Variants in HIP1R observed in about 807,000 individuals in gnomAD.
HIP1R encodes huntingtin-interacting protein 1-related protein.
A neutral mutation model predicts 144.2 loss-of-function variants in HIP1R; 135 were observed. That is an observed-to-expected ratio of 0.94 (90% CI 0.81 to 1.08). HIP1R has a LOEUF of 1.08. HIP1R is among the 50% of genes least tolerant of loss of function. HIP1R has a pLI of 0.00. For missense variants in HIP1R, 1,462 were observed against 1,432.8 expected (o/e 1.02, Z -0.33); for synonymous variants, 698 against 612.8 (o/e 1.14, Z -2.05).
intron 5 of HIP1R, chr12:122,850,279 A>T (rs2033336618): frequency 3.8e-6 from 2 of 528,536 alleles, no homozygotes; most frequent in African/African-American, 3.8e-5. Context: ...TCTGCCACCT[A>T]TGTGGGCCAC....
At chr12:122,851,148 C>G (rs1016530093) in intron 6 of HIP1R, 88 bp from the exon 7 acceptor site, 180 of 1,206,940 alleles carry the variant, frequency 1.5e-4, no homozygotes, top group Non-Finnish European at 1.9e-4. Context: ...GTCGGCGGTG[C>G]CCCCGTCCCC....
intron 30 of HIP1R, 48 bp downstream of exon 30, chr12:122,861,240 G>A (rs76137672): frequency 0.043 from 69,046 of 1,613,030 alleles, 2,388 homozygotes; most frequent in East Asian, 0.22. Flanking sequence ...TCCCTCGGGC[G>A]AAGCCTGGAC....
chr12:122,848,489 G>A lies in HIP1R; in HGVS notation c.181G>A (p.Glu61Lys), dbSNP rs1375584454. The A allele has an allele frequency of 6.8e-6, 11 of 1,612,982 alleles. No homozygotes were observed. Among genetic ancestry groups the A allele is most frequent in the African/African-American group, 2.7e-5 (2 of 74,942 alleles). The change falls in exon 3 of 32, where the codon GAG (glutamate) becomes AAG (lysine). Residue 61 changes from glutamate to lysine, a missense_variant. This residue lies in a region of HIP1R where 350 missense variants were observed against 421.1 expected (regional missense o/e 0.83). Coordinates refer to ENST00000253083, the MANE Select transcript of HIP1R (RefSeq NM_003959.3). ...AGGCATCATTCTGGGCACACACCAC[G>A]AGAAGGGGGCTTTCACCTTCTGGTC... ...ARRIILGTHH[E>K]KGAFTFWSYA...
rs1453888689 is a variant in HIP1R, at chr12:122,854,966, C to T, written c.776+4C>T. 6.2e-7 allele frequency: 1 copy of T among 1,612,692 alleles called. No homozygotes were observed. Among genetic ancestry groups the T allele is most frequent in the East Asian group, 2.2e-5 (1 of 44,870 alleles). On this transcript the variant is annotated splice_donor_region_variant and intron_variant, in intron 9 of 31. Transcript: ENST00000253083. Reference sequence around the variant, plus strand: ...GGTTCCACGAGCAGTTTCACAGGTACTGCCTGGGACAGGGACAGGATTGAG... The same window carrying T: ...GGTTCCACGAGCAGTTTCACAGGTATTGCCTGGGACAGGGACAGGATTGAG...
At chr12:122,861,098 C>G in intron 29 of HIP1R, 33 bp from the exon 30 acceptor site, 2 of 1,613,368 alleles carry the variant, frequency 1.2e-6, no homozygotes, top group East Asian at 2.2e-5. Flanking sequence ...GGGTGGGTGC[C>G]CAGATGTTCA....
rs1442093555 is a variant in HIP1R at position 122,860,410 on chromosome 12, C to T, written c.2560-13C>T. On this transcript the variant is annotated splice_polypyrimidine_tract_variant and intron_variant, in intron 26 of 31. Coordinates refer to ENST00000253083, the MANE Select transcript of HIP1R (RefSeq NM_003959.3). Reference sequence around the variant, plus strand: ...GACTGGCATGTCCTGCCCTGTTCTCCCGTCGCCACTAGGGGGCAGCCACGC... The same window carrying T: ...GACTGGCATGTCCTGCCCTGTTCTCTCGTCGCCACTAGGGGGCAGCCACGC... The T allele has an allele frequency of 1.2e-6, 2 of 1,612,818 alleles. No individual in the cohort carries two copies. The highest frequency in any genetic ancestry group is 1.7e-6 in the Non-Finnish European group (2 of 1,179,646).
intron 7 of HIP1R, among the ~76,000 whole-genome samples, chr12:122,851,786 C>A (rs1283748549): frequency 6.6e-6 from 1 of 152,174 alleles, no homozygotes; most frequent in Non-Finnish European, 1.5e-5. Context: ...GCATGGCAGG[C>A]CCCAGCGGGT....
rs761378510 is a variant in HIP1R, at chr12:122,850,057, C to T, written c.438+102C>T. On this transcript the variant is annotated intron_variant, in intron 5 of 31. Coordinates refer to ENST00000253083, the MANE Select transcript of HIP1R (RefSeq NM_003959.3). ...ACATCGAGGGTGGGATCTGTCCTCTCCATGAGTCTTTCCATTCACCTTCTT... is the reference window on the plus strand; with the variant it reads ...ACATCGAGGGTGGGATCTGTCCTCTTCATGAGTCTTTCCATTCACCTTCTT... 16 of 794,958 alleles carry T rather than the reference C, an allele frequency of 2.0e-5. No homozygotes were observed. The South Asian group carries it at 2.3e-4, about 11-fold the overall frequency. The allele number at this position is 794,958 out of a possible 1,614,324, so 49.2% of individuals were successfully genotyped here. A position where few individuals can be genotyped will look rare whatever the true frequency, so the allele number is the denominator to read the frequency against.
intron 6 of HIP1R, 121 bp from the exon 7 acceptor site, chr12:122,851,115 C>T (rs1042078014): frequency 2.0e-5 from 19 of 943,300 alleles, no homozygotes; most frequent in Admixed American, 2.7e-5. Context: ...GGCAGAGGCA[C>T]GCTGTCTCAC....
intron 18 of HIP1R, 79 bp from the exon 19 acceptor site, chr12:122,858,023 C>A: frequency 7.4e-7 from 1 of 1,358,848 alleles, no homozygotes; most frequent in Non-Finnish European, 9.9e-7. Flanking sequence ...ACTGGTGGCC[C>A]ATGGGTCATT....
rs537263532 is a variant in HIP1R, at chr12:122,858,961, G to A, written c.2158+16G>A. Reference sequence around the variant, plus strand: ...CCTGCCGACCGTAAGTGGGTCCTGGGATGGCAGGTTCTGTCCACCTCACTG... The same window carrying A: ...CCTGCCGACCGTAAGTGGGTCCTGGAATGGCAGGTTCTGTCCACCTCACTG... On this transcript the variant is annotated intron_variant, in intron 21 of 31. Coordinates refer to ENST00000253083, the MANE Select transcript of HIP1R (RefSeq NM_003959.3). 136 of 1,612,500 alleles carry A rather than the reference G, an allele frequency of 8.4e-5. No individual in the cohort carries two copies. In the South Asian group the frequency reaches 1.3e-3, roughly 16 times the overall value.
Position 122,855,912 on chromosome 12 carries a change from T to TG in HIP1R, c.1128+13dup. On this transcript the variant is annotated intron_variant, in intron 13 of 31. Coordinates refer to ENST00000253083, the MANE Select transcript of HIP1R (RefSeq NM_003959.3). The stretch of plus-strand genomic sequence containing the variant: ...AGAAGATCAAGCTGGAGGTGCGGGG[T>TG]GGGGATGGGTGGGGGCCAGGGCCCC... 7.5e-7 allele frequency: 1 copy of TG among 1,337,182 alleles called. No homozygotes were observed. The allele number at this position is 1,337,182 out of a possible 1,614,324, so 82.8% of individuals were successfully genotyped here.
Position 122,859,463 on chromosome 12 carries a change from A to C in HIP1R, c.2333A>C (p.Glu778Ala). 1 of 1,613,458 alleles carries C rather than the reference A, an allele frequency of 6.2e-7. No individual in the cohort carries two copies. The highest frequency in any genetic ancestry group is 8.5e-7 in the Non-Finnish European group (1 of 1,179,952). Residue 778 changes from glutamate to alanine, a missense_variant, in exon 23 of 32, where the codon GAG (glutamate) becomes GCG (alanine). Around this residue, in one of 2 missense-constraint regions of HIP1R, gnomAD observed 1,112 missense variants for 1,011.7 expected, o/e 1.10. Coordinates refer to ENST00000253083, the MANE Select transcript of HIP1R (RefSeq NM_003959.3). ...AAGAGCCTAGATGTGCGGCAGGAGG[A>C]GCTGGGGGCCGTGGTCGACAAGGAG... Reference protein sequence around the residue: ...KPKSLDVRQEELGAVVDKEMA... With the variant: ...KPKSLDVRQEALGAVVDKEMA...
chr12:122,839,394 C>A (rs1038829659), intron 1 of HIP1R, among the ~76,000 whole-genome samples: 1 of 152,162 alleles, frequency 6.6e-6, no homozygotes, highest in Non-Finnish European at 1.5e-5. Flanking sequence ...CCAAGTCTGG[C>A]GGGTGAGCAT....
At position 122,848,001 on chromosome 12, in the gene HIP1R, C is replaced by G; in HGVS notation, c.94-30C>G. On this transcript the variant is annotated intron_variant, in intron 1 of 31. Transcript: ENST00000253083. ...TGTCTCCTGGGGTGGCTGCCTGGGG[C>G]TCTAAACACTGCTCCTTTGTCCCTC... 1.9e-6 allele frequency: 3 copies of G among 1,611,710 alleles called. No individual in the cohort carries two copies. The South Asian group carries it at 3.3e-5, about 18-fold the overall frequency.
chr12:122,857,688 C>T (rs1470517424), intron 18 of HIP1R: 4 of 275,660 alleles, frequency 1.5e-5, no homozygotes, highest in Non-Finnish European at 6.9e-6. Context: ...CACCATTTTA[C>T]ACTCCCACCA....
intron 1 of HIP1R, among the ~76,000 whole-genome samples, chr12:122,838,892 G>GGC (rs1293984498): frequency 2.6e-5 from 4 of 152,230 alleles, no homozygotes; most frequent in Non-Finnish European, 4.4e-5. Context: ...GCCTGGAAAA[G>GGC]GCGAGGAAAT....
chr12:122,861,697 C>T lies in HIP1R; in HGVS notation c.3160-9C>T, dbSNP rs368531522. 4.1e-5 allele frequency: 66 copies of T among 1,614,068 alleles called. No individual in the cohort carries two copies. The highest frequency in any genetic ancestry group is 3.2e-4 in the Admixed American group (19 of 60,000). The stretch of plus-strand genomic sequence containing the variant: ...GTGACCACTGACCCCCCACCTTTAA[C>T]CCCTGCAGCTTGACAAAAAGGATGG... On this transcript the variant is annotated splice_polypyrimidine_tract_variant and intron_variant, in intron 31 of 31. Coordinates refer to ENST00000253083, the MANE Select transcript of HIP1R (RefSeq NM_003959.3).
intron 1 of HIP1R, among the ~76,000 whole-genome samples, chr12:122,847,202 G>A (rs181280903): frequency 3.9e-4 from 60 of 152,294 alleles, no homozygotes; most frequent in African/African-American, 1.3e-3. Flanking sequence ...CATGCCCCAC[G>A]GAGCCAGGGC....
Sources: allele counts gnomAD v4.1 joint callset (sites outside exome capture counted in the v4.1 genomes callset), GRCh38; gene constraint gnomAD v4.1.1; regional missense constraint gnomAD v4.1.1; transcripts MANE v1.5; gene names NCBI Gene and HGNC (gene_info 2026-07-23, HGNC 2026-07-21).